PZP: variants seen among roughly 807,000 people sequenced by gnomAD.
PZP encodes pregnancy zone protein.
A neutral mutation model predicts 179.8 loss-of-function variants in PZP; 150 were observed. The observed-to-expected ratio is 0.83, with a 90% CI of 0.73 to 0.96. PZP has a LOEUF of 0.96. Ranked by LOEUF, PZP falls within the 40% of genes least tolerant of loss-of-function variation. PZP has a pLI of 0.00. For missense variants in PZP, 1,689 were observed against 1,764.0 expected, an observed-to-expected ratio of 0.96 and a Z score of 0.76; for synonymous variants, 624 against 652.3, an observed-to-expected ratio of 0.96 and a Z score of 0.66.
At chr12:9,144,549 G>A (rs539687803), downstream of PZP, among the ~76,000 whole-genome samples, 351 of 151,912 alleles carry the variant, frequency 2.3e-3, no homozygotes, top group Middle Eastern at 0.017. Flanking sequence ...AAAGAAACAC[G>A]ATTAGTGGCT....
intron 21 of PZP, among the ~76,000 whole-genome samples, chr12:9,163,296 CAA>C (rs139918325): frequency 0.47 from 63,294 of 134,254 alleles, 14,578 homozygotes; most frequent in African/African-American, 0.52. Flanking sequence ...ACTAAAAATA[CAA>C]AAAAAAAAAA....
rs1940598769 is a variant in PZP, at chr12:9,154,516, G to C, written c.3774+100C>G. 3.5e-6 allele frequency: 4 copies of C among 1,137,076 alleles called. No homozygotes were observed. In the South Asian group the frequency reaches 4.7e-5, roughly 13 times the overall value. The allele number at this position is 1,137,076 out of a possible 1,614,324, so 70.4% of individuals were successfully genotyped here. A position where few individuals can be genotyped will look rare whatever the true frequency, so the allele number is the denominator to read the frequency against. On this transcript the variant is annotated intron_variant, in intron 29 of 35. Transcript: ENST00000261336. Reference sequence around the variant, plus strand: ...AAATATTCCTAAATACTTCTTCAATGATTTAATAATTGCCTTCTCTTTTCC... The same window carrying C: ...AAATATTCCTAAATACTTCTTCAATCATTTAATAATTGCCTTCTCTTTTCC...
intron 15 of PZP, among the ~76,000 whole-genome samples, chr12:9,179,973 A>C (rs1229506777): frequency 6.6e-6 from 1 of 152,202 alleles, no homozygotes; most frequent in Non-Finnish European, 1.5e-5. Flanking sequence ...ACTATTCTGA[A>C]TCCACTTTTC....
intron 7 of PZP, among the ~76,000 whole-genome samples, chr12:9,198,437 A>C (rs1455698161): frequency 2.0e-5 from 3 of 152,176 alleles, no homozygotes; most frequent in African/African-American, 7.2e-5. Context: ...CTGTATACCA[A>C]GTGAGCAAAT....
intron 10 of PZP, among the ~76,000 whole-genome samples, chr12:9,195,410 C>T (rs922861242): frequency 6.6e-6 from 1 of 151,198 alleles, no homozygotes; most frequent in Non-Finnish European, 1.5e-5. Context: ...TCCCTTTCCC[C>T]TTCCCCTTTT....
intron 17 of PZP, among the ~76,000 whole-genome samples, chr12:9,168,033 C>T (rs907056977): frequency 6.6e-6 from 1 of 152,106 alleles, no homozygotes; most frequent in African/African-American, 2.4e-5. Flanking sequence ...AATAATAAAG[C>T]TCATTTAAAG....
rs1203431809 is a variant in PZP at position 9,163,788 on chromosome 12, C to G, written c.2616G>C (p.Gly872=). 1 of 1,610,434 alleles carries G rather than the reference C, an allele frequency of 6.2e-7. No homozygotes were observed. Among genetic ancestry groups the G allele is most frequent in the East Asian group, 2.2e-5 (1 of 44,836 alleles). The part of the protein sequence containing the change: ...LSWTVTPKTL[G]NVNFSVSAEA... ...CTGCACTCACTGAGAAGTTCACATT[C>G]CCTAAAACAAGGAATATTGAAAACA... is the stretch of plus-strand genomic sequence containing the variant. The change falls in exon 21 of 36, where the codon GGG becomes GGC. Residue 872 remains glycine (G), a splice_region_variant and synonymous_variant. Coordinates refer to ENST00000261336, the MANE Select transcript of PZP (RefSeq NM_002864.3).
intron 34 of PZP, 132 bp downstream of exon 34, chr12:9,150,512 T>C: frequency 1.6e-6 from 1 of 620,330 alleles, no homozygotes; most frequent in Admixed American, 3.4e-5. Flanking sequence ...TAAGTCGTTT[T>C]TATAGTGTAC....
intron 7 of PZP, among the ~76,000 whole-genome samples, chr12:9,199,063 G>A (rs917244131): frequency 4.6e-5 from 7 of 152,192 alleles, no homozygotes; most frequent in Non-Finnish European, 1.0e-4. Flanking sequence ...TCATAGGTAA[G>A]GTTCATGCCC....
Position 9,150,694 on chromosome 12 carries a change from A to G in PZP, c.4334T>C (p.Val1445Ala). ...AACAATTGCTGGCTTCAAGTCTCCT[A>G]CTGGGATGTCTTGCAGAACCATGAA... Reference protein sequence around the residue: ...FSFMVLQDIPVGDLKPAIVKV... With the variant: ...FSFMVLQDIPAGDLKPAIVKV... The change falls in exon 34 of 36, where the codon GTA becomes GCA. Residue 1445 changes from valine to alanine, a missense_variant. By Grantham distance (64) the Val-to-Ala change is moderately conservative. Coordinates refer to ENST00000261336, the MANE Select transcript of PZP (RefSeq NM_002864.3). 1 of 1,613,184 alleles carries G rather than the reference A, an allele frequency of 6.2e-7. No homozygotes were observed. The highest frequency in any genetic ancestry group is 2.2e-5 in the East Asian group (1 of 44,852).
intron 33 of PZP, among the ~76,000 whole-genome samples, chr12:9,151,390 A>C (rs914518012): frequency 2.0e-5 from 3 of 152,248 alleles, no homozygotes; most frequent in Non-Finnish European, 4.4e-5. Context: ...TTTCATAGAA[A>C]TATTCATATT....
intron 21 of PZP, 124 bp from the exon 22 acceptor site, chr12:9,162,772 T>C (rs1183771992): frequency 1.4e-5 from 11 of 809,588 alleles, no homozygotes; most frequent in Non-Finnish European, 2.2e-5. Flanking sequence ...ACTCTTTTTT[T>C]CCCAACTTTT....
At chr12:9,159,209 G>A (rs1940990148) in intron 25 of PZP, among the ~76,000 whole-genome samples, 1 of 152,058 alleles carries the variant, frequency 6.6e-6, no homozygotes, top group Non-Finnish European at 1.5e-5. Flanking sequence ...AACCTATAAT[G>A]TTCCCTTAGC....
Position 9,153,186 on chromosome 12 carries a change from A to G in PZP, c.3932T>C (p.Leu1311Ser). The G allele has an allele frequency of 1.2e-6, 2 of 1,614,202 alleles. No individual in the cohort carries two copies. ...NNLLLLQQIS[L>S]PELPGEYVIT... ...GACATATTCTCCAGGGAGCTCTGGC[A>G]ATGAGATCTGCTGCAGTAATAGGAG... The change falls in exon 30 of 36, where the codon TTG (leucine) becomes TCG (serine). Residue 1311 changes from leucine (L) to serine (S), a missense_variant. Leu to Ser is a moderately radical substitution (Grantham distance 145). Transcript: ENST00000261336.
intron 6 of PZP, among the ~76,000 whole-genome samples, chr12:9,200,650 G>A (rs1405719034): frequency 3.3e-5 from 5 of 152,168 alleles, no homozygotes; most frequent in Admixed American, 6.5e-5. Context: ...TCTCAGTGAC[G>A]TTAACAAATG....
intron 17 of PZP, chr12:9,168,559 G>T: frequency 4.1e-6 from 1 of 245,282 alleles, no homozygotes; most frequent in Admixed American, 5.4e-5. Context: ...CCCTATGAAT[G>T]TCTTTCCTGT....
chr12:9,175,460 A>C (rs1354492776), intron 15 of PZP, among the ~76,000 whole-genome samples: 1 of 152,208 alleles, frequency 6.6e-6, no homozygotes, highest in Admixed American at 6.5e-5. Flanking sequence ...AAATTGGCAA[A>C]TGAGATATAA....
chr12:9,137,737 C>T, the PZP span, among the ~76,000 whole-genome samples: 2 of 151,874 alleles, frequency 1.3e-5, no homozygotes, highest in Non-Finnish European at 2.9e-5. Context: ...CTTTCACTTC[C>T]TTGGAAAAGT....
intron 13 of PZP, among the ~76,000 whole-genome samples, chr12:9,186,434 G>A (rs1356848639): frequency 6.6e-6 from 1 of 152,086 alleles, no homozygotes; most frequent in African/African-American, 2.4e-5. Flanking sequence ...CAGACTAAAT[G>A]CCCCAATTAA....
Sources: allele counts gnomAD v4.1 joint callset (sites outside exome capture counted in the v4.1 genomes callset), GRCh38; gene constraint gnomAD v4.1.1; transcripts MANE v1.5; gene names NCBI Gene and HGNC (gene_info 2026-07-23, HGNC 2026-07-21).